Variants in RALB observed in about 807,000 individuals in gnomAD.
RALB encodes the protein RAS like proto-oncogene B.
In RALB, 16 loss-of-function variants were observed where a neutral mutation model predicts 21.3. The ratio of observed to expected loss-of-function variants is 0.75; its 90% CI spans 0.51 to 1.14. The LOEUF (loss-of-function observed/expected upper bound fraction) is 1.14. Among genes scored for constraint, RALB ranks in the 50% most tolerant of loss-of-function variants. The pLI, the probability that RALB is intolerant of heterozygous loss-of-function variation, is 0.00. For missense variants in RALB, 161 were observed against 256.2 expected, an observed-to-expected ratio of 0.63 and a Z score of 2.54; for synonymous variants, 93 against 96.1, an observed-to-expected ratio of 0.97 and a Z score of 0.19.
chr2:120,250,454 C>T (rs535503382), upstream of RALB, among the ~76,000 whole-genome samples: 33 of 152,172 alleles, frequency 2.2e-4, no homozygotes, highest in Non-Finnish European at 4.7e-4. Flanking sequence ...CACAAGTGAT[C>T]GGTTAGAGCT....
intron 1 of RALB, among the ~76,000 whole-genome samples, chr2:120,273,288 G>A (rs1689712152): frequency 6.6e-6 from 1 of 151,272 alleles, no homozygotes; most frequent in Non-Finnish European, 1.5e-5. Flanking sequence ...TGGTGCTTGT[G>A]CCCTTGAGTT....
chr2:120,245,911 C>T (rs1367395017), intron 1 of RALB, among the ~76,000 whole-genome samples: 2 of 152,140 alleles, frequency 1.3e-5, no homozygotes, highest in South Asian at 2.1e-4. Flanking sequence ...AATTAAAACC[C>T]GATAGAAAAT....
chr2:120,252,687 T>C, upstream of RALB: 1 of 775,400 alleles, frequency 1.3e-6, no homozygotes. Flanking sequence ...TTCTCATTGG[T>C]GAAACCTCCT....
chr2:120,270,047 ACTT>A (rs1354949362), intron 1 of RALB, among the ~76,000 whole-genome samples: 11 of 152,142 alleles, frequency 7.2e-5, no homozygotes, highest in Non-Finnish European at 1.3e-4. Context: ...TCTGTGAAGT[ACTT>A]CTTCATTTTT....
chr2:120,277,366 TGTG>T (rs1056409617), intron 1 of RALB, among the ~76,000 whole-genome samples: 1 of 15,352 alleles, frequency 6.5e-5, no homozygotes, highest in African/African-American at 5.0e-4. Context: ...TGTGAGAGCA[TGTG>T]TGTGGTGGCG....
At position 120,292,183 on chromosome 2, in the gene RALB, A is replaced by G. The variant is rs533532520; in HGVS notation, c.502-958A>G. Among the ~76,000 whole-genome samples the G allele has an allele frequency of 3.3e-5, 5 of 152,300 alleles. No homozygotes were observed. In the East Asian group the frequency reaches 9.6e-4, roughly 29 times the overall value. On this transcript the variant is annotated intron_variant, in intron 4 of 4. Coordinates refer to ENST00000272519, the MANE Select transcript of RALB (RefSeq NM_002881.3). ...AAAGGACAAGTCTCATCAGTTCTTG[A>G]TAAAGTTCCTCTCAGCTGACATCAC... is the stretch of plus-strand genomic sequence containing the variant.
chr2:120,244,886 T>C (rs760201138), intron 1 of RALB, among the ~76,000 whole-genome samples: 2 of 152,166 alleles, frequency 1.3e-5, no homozygotes, highest in Non-Finnish European at 2.9e-5. Flanking sequence ...TGGAAGTAGC[T>C]TCAGGCTGTG....
chr2:120,241,107 C>G (rs1223218171), intron 1 of RALB, among the ~76,000 whole-genome samples: 5 of 152,236 alleles, frequency 3.3e-5, no homozygotes, highest in Non-Finnish European at 7.3e-5. Flanking sequence ...AGCCACAAGG[C>G]TGAGACTGCC....
At chr2:120,243,437 T>C (rs901657687) in intron 1 of RALB, among the ~76,000 whole-genome samples, 1 of 152,196 alleles carries the variant, frequency 6.6e-6, no homozygotes, top group Admixed American at 6.5e-5. Flanking sequence ...ACTGGAGCCA[T>C]GGGGAGGAGC....
chr2:120,261,364 G>C (rs1689361635), intron 1 of RALB, among the ~76,000 whole-genome samples: 1 of 152,108 alleles, frequency 6.6e-6, no homozygotes, highest in African/African-American at 2.4e-5. Flanking sequence ...ACTCCATGAG[G>C]CTGGAGACAA....
chr2:120,285,800 G>A, intron 2 of RALB, 74 bp from the exon 3 acceptor site: 1 of 1,256,606 alleles, frequency 8.0e-7, no homozygotes, highest in East Asian at 2.3e-5. Context: ...GTGCCCATAT[G>A]TGGAATTTTG....
At chr2:120,289,504 A>T in intron 3 of RALB, 76 bp from the exon 4 acceptor site, 18 of 1,459,820 alleles carry the variant, frequency 1.2e-5, no homozygotes, top group Admixed American at 5.9e-5. Flanking sequence ...AAAGCCTTTT[A>T]TTTTAGATGG....
At chr2:120,268,387 A>G (rs1188313087) in intron 1 of RALB, among the ~76,000 whole-genome samples, 3 of 152,234 alleles carry the variant, frequency 2.0e-5, no homozygotes, top group Non-Finnish European at 4.4e-5. Flanking sequence ...TTGTGGTATA[A>G]ATTAATTTAC....
chr2:120,293,855 A>C lies in RALB; in HGVS notation c.*595A>C, dbSNP rs1463238059. Reference sequence around the variant, plus strand: ...AATACCAAGCTTCTGATTCCTCCTCACATATGAAAAGTGAAAGTTGTGAGT... The same window carrying C: ...AATACCAAGCTTCTGATTCCTCCTCCCATATGAAAAGTGAAAGTTGTGAGT... On this transcript the variant is annotated 3_prime_UTR_variant, in exon 5 of 5. Coordinates refer to ENST00000272519, the MANE Select transcript of RALB (RefSeq NM_002881.3). 3.5e-6 allele frequency: 1 copy of C among 288,230 alleles called. No homozygotes were observed. Among genetic ancestry groups the C allele is most frequent in the Non-Finnish European group, 6.3e-6 (1 of 157,612 alleles). 17.9% of individuals were successfully genotyped at this position (288,230 alleles called of 1,614,324 possible). A position where few individuals can be genotyped will look rare whatever the true frequency, so the allele number is the denominator to read the frequency against.
At chr2:120,253,284 C>T (rs1689106758) in intron 1 of RALB, 2 of 662,868 alleles carry the variant, frequency 3.0e-6, no homozygotes, top group South Asian at 1.3e-4. Flanking sequence ...TCTGCTTCCA[C>T]TTCCTGCCGC....
At position 120,253,722 on chromosome 2, in the gene RALB, T is replaced by C. The variant is rs1689121318; in HGVS notation, c.-48+742T>C. ...AACGAGAAACGTTGGAACTTTGGTGTTCTTATCAGGTGAGTCTTCGGGAGA... is the reference window on the plus strand; with the variant it reads ...AACGAGAAACGTTGGAACTTTGGTGCTCTTATCAGGTGAGTCTTCGGGAGA... On this transcript the variant is annotated intron_variant, in intron 1 of 4. Transcript: ENST00000272519. 4.1e-6 allele frequency: 4 copies of C among 985,316 alleles called. No homozygotes were observed. The South Asian group carries it at 1.4e-4, about 35-fold the overall frequency. The allele number at this position is 985,316 out of a possible 1,614,324, so 61.0% of individuals were successfully genotyped here. A position where few individuals can be genotyped will look rare whatever the true frequency, so the allele number is the denominator to read the frequency against.
chr2:120,261,558 G>T (rs181033746), intron 1 of RALB, among the ~76,000 whole-genome samples: 1 of 152,294 alleles, frequency 6.6e-6, no homozygotes, highest in African/African-American at 2.4e-5. Context: ...CCCATTCGTG[G>T]TTTGTGATCA....
chr2:120,287,966 A>G (rs1415954386), intron 3 of RALB, among the ~76,000 whole-genome samples: 1 of 152,262 alleles, frequency 6.6e-6, no homozygotes, highest in Non-Finnish European at 1.5e-5. Context: ...TCTTCCAAAT[A>G]GAAAGGCCCC....
At chr2:120,288,354 G>T (rs7581730) in intron 3 of RALB, among the ~76,000 whole-genome samples, 87,159 of 126,578 alleles carry the variant, frequency 0.69, 30,721 homozygotes, top group Middle Eastern at 0.78. Context: ...TTTTTTTTTT[G>T]TTTTTTTTTT....
Sources: allele counts gnomAD v4.1 joint callset (sites outside exome capture counted in the v4.1 genomes callset), GRCh38; gene constraint gnomAD v4.1.1; transcripts MANE v1.5; gene names NCBI Gene and HGNC (gene_info 2026-07-23, HGNC 2026-07-21).